PTPRK: variants seen among roughly 807,000 people sequenced by gnomAD.
PTPRK encodes the protein receptor-type tyrosine-protein phosphatase kappa.
PTPRK carries 75 observed loss-of-function variants against 178.0 expected under a neutral mutation model. The ratio of observed to expected loss-of-function variants is 0.42; its 90% CI spans 0.35 to 0.51. The LOEUF (loss-of-function observed/expected upper bound fraction) is 0.51. PTPRK is among the 20% of genes least tolerant of loss of function. The pLI, the probability that PTPRK is intolerant of heterozygous loss-of-function variation, is 0.02. For missense variants in PTPRK, 1,441 were observed against 1,797.8 expected (o/e 0.80, Z 3.59); for synonymous variants, 637 against 620.6 (o/e 1.03, Z -0.39).
At chr6:128,155,499 A>G (rs1293704582) in intron 7 of PTPRK, among the ~76,000 whole-genome samples, 1 of 151,626 alleles carries the variant, frequency 6.6e-6, no homozygotes, top group Non-Finnish European at 1.5e-5. Context: ...AGGTTTCAGA[A>G]TATGTTGGTT....
At chr6:128,373,591 C>T (rs924003708) in intron 2 of PTPRK, among the ~76,000 whole-genome samples, 1 of 152,160 alleles carries the variant, frequency 6.6e-6, no homozygotes, top group African/African-American at 2.4e-5. Context: ...ACAACATTGC[C>T]TCGATGTTGC....
intron 7 of PTPRK, among the ~76,000 whole-genome samples, chr6:128,091,065 C>A (rs1786844086): frequency 6.6e-6 from 1 of 152,000 alleles, no homozygotes; most frequent in Non-Finnish European, 1.5e-5. Context: ...GATGGCAAGC[C>A]CAAACTGGGA....
intron 1 of PTPRK, among the ~76,000 whole-genome samples, chr6:128,455,733 T>C (rs1848306538): frequency 6.6e-6 from 1 of 151,998 alleles, no homozygotes; most frequent in Non-Finnish European, 1.5e-5. Flanking sequence ...AATGGGAGGG[T>C]GAAGATATAC....
At chr6:127,970,589 T>G (rs1773793117) in intron 29 of PTPRK, among the ~76,000 whole-genome samples, 1 of 152,018 alleles carries the variant, frequency 6.6e-6, no homozygotes, top group Non-Finnish European at 1.5e-5. Context: ...AACAATTCTG[T>G]ACAAATATAA....
intron 3 of PTPRK, among the ~76,000 whole-genome samples, chr6:128,303,204 G>A (rs1017873897): frequency 4.6e-5 from 7 of 152,070 alleles, no homozygotes; most frequent in Admixed American, 4.6e-4. Flanking sequence ...CCCCATCTCT[G>A]ACCTACAGTC....
chr6:128,092,816 C>A (rs564151534), intron 7 of PTPRK, among the ~76,000 whole-genome samples: 2 of 152,094 alleles, frequency 1.3e-5, no homozygotes, highest in African/African-American at 4.8e-5. Context: ...TCATACCTAA[C>A]CAACAACTGC....
chr6:128,332,180 A>T (rs1830364074), intron 2 of PTPRK, among the ~76,000 whole-genome samples: 1 of 152,198 alleles, frequency 6.6e-6, no homozygotes, highest in African/African-American at 2.4e-5. Context: ...GACAAAAAAC[A>T]AGTACTTGGC....
At chr6:128,430,941 T>C (rs1173557009) in intron 1 of PTPRK, among the ~76,000 whole-genome samples, 1 of 137,904 alleles carries the variant, frequency 7.3e-6, no homozygotes, top group African/African-American at 2.7e-5. Context: ...AATTTTTTTC[T>C]TTTTTTTTTT....
intron 15 of PTPRK, chr6:128,001,103 A>G: frequency 1.9e-6 from 2 of 1,035,092 alleles, no homozygotes; most frequent in Non-Finnish European, 2.8e-6. Context: ...GGGTACACGT[A>G]CTAATCATTA....
chr6:128,160,290 C>T (rs376074917), intron 7 of PTPRK, among the ~76,000 whole-genome samples: 76 of 151,714 alleles, frequency 5.0e-4, no homozygotes, highest in African/African-American at 1.7e-3. Context: ...TCTTTTTATA[C>T]ACATACATAA....
At chr6:128,238,185 CAAAAAAAAAAAAAAAAAGAAAAG>C in intron 5 of PTPRK, 1 of 203,784 alleles carries the variant, frequency 4.9e-6, no homozygotes, top group Non-Finnish European at 9.2e-6. Context: ...TAGCAAACGC[CAAAAAAAAAAAAAAAAAGAAAAG>C]AAAAAAAAAA....
At chr6:128,406,908 T>A (rs1841720021) in intron 1 of PTPRK, among the ~76,000 whole-genome samples, 1 of 152,136 alleles carries the variant, frequency 6.6e-6, no homozygotes, top group South Asian at 2.1e-4. Flanking sequence ...GACATGTAAG[T>A]CAATGGCCAT....
chr6:128,504,994 A>G (rs994172916), intron 1 of PTPRK, among the ~76,000 whole-genome samples: 6 of 152,168 alleles, frequency 3.9e-5, no homozygotes, highest in Non-Finnish European at 7.4e-5. Flanking sequence ...ACTGTTTCAT[A>G]TTTAAATTTA....
chr6:128,367,928 T>C (rs1835747067), intron 2 of PTPRK, among the ~76,000 whole-genome samples: 1 of 152,214 alleles, frequency 6.6e-6, no homozygotes, highest in African/African-American at 2.4e-5. Flanking sequence ...CAATGTTAGT[T>C]CAATTTTATA....
chr6:127,994,709 T>C lies in PTPRK; in HGVS notation c.2844+753A>G, dbSNP rs1203978642. ...TATGTATGTAATCAAAATTTAACAGTGAAATATATGATCAAAGCAACCTTT... is the reference window on the plus strand; with the variant it reads ...TATGTATGTAATCAAAATTTAACAGCGAAATATATGATCAAAGCAACCTTT... On this transcript the variant is annotated intron_variant, in intron 18 of 29. Coordinates refer to ENST00000368226, the MANE Select transcript of PTPRK (RefSeq NM_002844.4). 4.6e-5 allele frequency among the ~76,000 whole-genome samples: 7 copies of C among 152,002 alleles called. No homozygotes were observed. In the East Asian group the frequency reaches 1.2e-3, roughly 25 times the overall value.
chr6:128,168,605 G>A (rs188595307), intron 7 of PTPRK, among the ~76,000 whole-genome samples: 4 of 151,942 alleles, frequency 2.6e-5, no homozygotes, highest in Non-Finnish European at 4.4e-5. Flanking sequence ...TCATGGGAGC[G>A]TAAACCCTAT....
chr6:128,044,382 T>TA (rs1777697374), intron 13 of PTPRK, among the ~76,000 whole-genome samples: 1 of 152,036 alleles, frequency 6.6e-6, no homozygotes, highest in Non-Finnish European at 1.5e-5. Flanking sequence ...GTATGTGCTC[T>TA]AAACACACTC....
chr6:128,355,190 A>C (rs1833786984), intron 2 of PTPRK, among the ~76,000 whole-genome samples: 1 of 152,226 alleles, frequency 6.6e-6, no homozygotes, highest in Admixed American at 6.5e-5. Context: ...TGAAGATGAA[A>C]GTTTTCTTAC....
In PTPRK at chr6:128,250,426, C is replaced by T. The variant is rs187208773; in HGVS notation, c.496-7824G>A. Among the ~76,000 whole-genome samples the T allele has an allele frequency of 2.8e-4, 43 of 152,314 alleles. No individual in the cohort carries two copies. In the East Asian group the frequency reaches 6.9e-3, roughly 25 times the overall value. The stretch of plus-strand genomic sequence containing the variant: ...CAATGGATTGTCATGTTCCTCACAA[C>T]ATCATTGAACCACATGAATCCTGTT... On this transcript the variant is annotated intron_variant, in intron 3 of 29. Transcript: ENST00000368226.
Sources: allele counts gnomAD v4.1 joint callset (sites outside exome capture counted in the v4.1 genomes callset), GRCh38; gene constraint gnomAD v4.1.1; transcripts MANE v1.5; gene names NCBI Gene and HGNC (gene_info 2026-07-23, HGNC 2026-07-21).